The following LIPI variants were observed in gnomAD, a reference collection of about 807,000 sequenced individuals.
The protein encoded by LIPI is lipase I.
LIPI carries 59 observed loss-of-function variants against 50.6 expected under a neutral mutation model. The observed-to-expected ratio is 1.16, with a 90% CI of 0.94 to 1.45. LIPI has a LOEUF of 1.45. Among genes scored for constraint, LIPI ranks in the 40% most tolerant of loss-of-function variants. LIPI has a pLI of 0.00. For synonymous variants in LIPI, 203 were observed against 178.2 expected, an observed-to-expected ratio of 1.14 and a Z score of -1.11; for missense variants, 586 against 536.3, an observed-to-expected ratio of 1.09 and a Z score of -0.92.
At chr21:14,135,405 G>T (rs922571523) in intron 9 of LIPI, among the ~76,000 whole-genome samples, 1 of 152,154 alleles carries the variant, frequency 6.6e-6, no homozygotes, top group African/African-American at 2.4e-5. Context: ...GAGGAATTGA[G>T]GAGATAGAAA....
At chr21:14,169,576 A>G (rs966715318) in intron 4 of LIPI, among the ~76,000 whole-genome samples, 7 of 152,266 alleles carry the variant, frequency 4.6e-5, no homozygotes, top group Non-Finnish European at 1.0e-4. Context: ...AAACCGTTCA[A>G]CTACATGGAA....
At chr21:14,141,052 A>G (rs1387866221) in intron 9 of LIPI, among the ~76,000 whole-genome samples, 1 of 152,200 alleles carries the variant, frequency 6.6e-6, no homozygotes, top group Non-Finnish European at 1.5e-5. Context: ...AAGTTTTAAA[A>G]TAAAATTTAT....
intron 1 of LIPI, among the ~76,000 whole-genome samples, chr21:14,198,881 CA>C (rs2019953688): frequency 6.6e-6 from 1 of 151,816 alleles, no homozygotes; most frequent in African/African-American, 2.4e-5. Context: ...CTCAGCAAAA[CA>C]AAAGAAATGA....
intron 1 of LIPI, among the ~76,000 whole-genome samples, chr21:14,206,450 A>G (rs1429520993): frequency 6.6e-6 from 1 of 152,152 alleles, no homozygotes; most frequent in African/African-American, 2.4e-5. Context: ...TTTATGGTGT[A>G]TAAAGATAAC....
chr21:14,157,410 T>C (rs1208570330), intron 7 of LIPI, among the ~76,000 whole-genome samples: 1 of 151,996 alleles, frequency 6.6e-6, no homozygotes, highest in Non-Finnish European at 1.5e-5. Flanking sequence ...TTTAGCCATC[T>C]TGGCAGAGGC....
chr21:14,191,173 T>C (rs2019658595), intron 1 of LIPI, among the ~76,000 whole-genome samples: 1 of 151,644 alleles, frequency 6.6e-6, no homozygotes, highest in African/African-American at 2.4e-5. Context: ...GGTCAGGAGA[T>C]CGAGACCATC....
chr21:14,126,422 A>G (rs1439106134), intron 9 of LIPI, among the ~76,000 whole-genome samples: 1 of 152,208 alleles, frequency 6.6e-6, no homozygotes, highest in African/African-American at 2.4e-5. Flanking sequence ...TATATGGTTA[A>G]GTGAAATAAA....
In LIPI at chr21:14,160,397, T is replaced by C. The variant is rs1600876435; in HGVS notation, c.1006+3022A>G. ...TGATATCTATATTATATATCTCATC[T>C]ACAGAGATATATTTTAACCAATTGT... On this transcript the variant is annotated intron_variant, in intron 7 of 9. Transcript: ENST00000681601. Among the ~76,000 whole-genome samples the C allele has an allele frequency of 2.0e-5, 3 of 151,432 alleles. No individual in the cohort carries two copies. The South Asian group carries it at 6.2e-4, about 31-fold the overall frequency.
intron 4 of LIPI, among the ~76,000 whole-genome samples, chr21:14,173,875 A>C (rs1244059420): frequency 2.0e-5 from 3 of 151,876 alleles, no homozygotes; most frequent in African/African-American, 7.2e-5. Flanking sequence ...GATTGGGACA[A>C]TGGTGACTTG....
chr21:14,208,506 G>T (rs447455), intron 1 of LIPI, among the ~76,000 whole-genome samples: 29,671 of 152,170 alleles, frequency 0.19, 3,122 homozygotes, highest in Non-Finnish European at 0.23. Context: ...TGGTTGGCAA[G>T]CTAAGAATGT....
At chr21:14,150,520 C>T (rs1188928294) in intron 8 of LIPI, among the ~76,000 whole-genome samples, 1 of 152,112 alleles carries the variant, frequency 6.6e-6, no homozygotes, top group Non-Finnish European at 1.5e-5. Flanking sequence ...CTGTCTGTGT[C>T]AGTTTGGATC....
intron 9 of LIPI, among the ~76,000 whole-genome samples, chr21:14,134,369 C>A (rs2017413644): frequency 6.6e-6 from 1 of 152,026 alleles, no homozygotes. Flanking sequence ...ACCATACTGC[C>A]CAAAGCAATC....
intron 9 of LIPI, among the ~76,000 whole-genome samples, chr21:14,143,096 A>C (rs1283121949): frequency 6.6e-6 from 1 of 152,140 alleles, no homozygotes; most frequent in East Asian, 1.9e-4. Flanking sequence ...GAATCCCCAA[A>C]TACAGTAGCC....
At chr21:14,126,587 TC>T (rs1390463860) in intron 9 of LIPI, among the ~76,000 whole-genome samples, 1 of 152,176 alleles carries the variant, frequency 6.6e-6, no homozygotes, top group Non-Finnish European at 1.5e-5. Flanking sequence ...CTTGTCATTA[TC>T]CCCTAAATAA....
intron 7 of LIPI, among the ~76,000 whole-genome samples, chr21:14,157,717 A>G (rs1347011226): frequency 6.6e-6 from 1 of 151,948 alleles, no homozygotes; most frequent in Non-Finnish European, 1.5e-5. Flanking sequence ...CTAAGAGACC[A>G]ACATGCGAAG....
At position 14,165,258 on chromosome 21, in the gene LIPI, C is replaced by T. The variant is rs751849650; in HGVS notation, c.866G>A (p.Cys289Tyr). 2 of 1,612,598 alleles carry T rather than the reference C, an allele frequency of 1.2e-6. No homozygotes were observed. The highest frequency in any genetic ancestry group is 1.7e-6 in the Non-Finnish European group (2 of 1,178,890). Residue 289 changes from cysteine to tyrosine, a missense_variant, in exon 6 of 10, where the codon TGT becomes TAT. Cys to Tyr is a radical substitution (Grantham distance 194, BLOSUM62 -2). Transcript: ENST00000681601. ...ACATGATTTTTCCTTAAAACAGTCA[C>T]AGTCCACACATAAGCTAGTCTTGTA... ...KDYKTSLCVDCDCFKEKSCPR... is the reference protein window; with the variant it reads ...KDYKTSLCVDYDCFKEKSCPR...
intron 9 of LIPI, among the ~76,000 whole-genome samples, chr21:14,140,101 C>G (rs778754041): frequency 1.3e-4 from 20 of 151,924 alleles, no homozygotes; most frequent in Admixed American, 2.0e-4. Context: ...CTCTGGACAA[C>G]AAATTATAGG....
intron 8 of LIPI, among the ~76,000 whole-genome samples, chr21:14,145,239 A>C (rs2017861058): frequency 6.6e-6 from 1 of 152,172 alleles, no homozygotes; most frequent in Non-Finnish European, 1.5e-5. Context: ...ACAGAAATAC[A>C]GTGTTTAATA....
At position 14,201,846 on chromosome 21, in the gene LIPI, C is replaced by T. The variant is rs191071756; in HGVS notation, c.46+8954G>A. Among the ~76,000 whole-genome samples, 468 of 152,192 alleles carry T rather than the reference C, an allele frequency of 3.1e-3. 4 individuals are homozygous for T. The highest frequency in any genetic ancestry group is 0.011 in the African/African-American group (453 of 41,524). On this transcript the variant is annotated intron_variant, in intron 1 of 9. Coordinates refer to ENST00000681601, the MANE Select transcript of LIPI (RefSeq NM_001302998.2). ...GGAAGTTCTGGCCAGGGCAATCAGG[C>T]TGGAGAAGGAAATACAGGGTATTCA... is the stretch of plus-strand genomic sequence containing the variant.
Sources: allele counts gnomAD v4.1 joint callset (sites outside exome capture counted in the v4.1 genomes callset), GRCh38; gene constraint gnomAD v4.1.1; transcripts MANE v1.5; gene names NCBI Gene and HGNC (gene_info 2026-07-23, HGNC 2026-07-21).